The following SGCD variants were observed in gnomAD, a reference collection of about 807,000 sequenced individuals.
SGCD encodes the protein sarcoglycan delta.
In SGCD, 18 loss-of-function variants were observed where a neutral mutation model predicts 36.6. The ratio of observed to expected loss-of-function variants is 0.49; its 90% confidence interval spans 0.34 to 0.73. SGCD has a LOEUF of 0.73. SGCD is among the 30% of genes least tolerant of loss of function. The pLI, the probability that SGCD is intolerant of heterozygous loss-of-function variation, is 0.01. For missense variants in SGCD, 387 were observed against 346.7 expected (o/e 1.12, Z -0.92); for synonymous variants, 133 against 130.6 (o/e 1.02, Z -0.12).
the SGCD span, among the ~76,000 whole-genome samples, chr5:155,736,742 A>G: frequency 1.3e-5 from 2 of 152,136 alleles, no homozygotes; most frequent in Non-Finnish European, 2.9e-5. Flanking sequence ...ATTGCCATTT[A>G]TTGAGTATCC....
chr5:156,715,252 T>C (rs1250825049), intron 7 of SGCD, among the ~76,000 whole-genome samples: 2 of 152,194 alleles, frequency 1.3e-5, no homozygotes, highest in East Asian at 3.8e-4. Flanking sequence ...ATGCAATTAT[T>C]ATGAATTGAC....
intron 4 of SGCD, among the ~76,000 whole-genome samples, chr5:156,511,311 C>T (rs1315010305): frequency 6.6e-6 from 1 of 152,200 alleles, no homozygotes; most frequent in Non-Finnish European, 1.5e-5. Context: ...TGCCCAAATT[C>T]ATTCACTCTT....
intron 3 of SGCD, among the ~76,000 whole-genome samples, chr5:156,502,553 T>C (rs190602119): frequency 1.6e-4 from 24 of 152,278 alleles, no homozygotes; most frequent in African/African-American, 5.1e-4. Context: ...CAGTTTGCTC[T>C]TAAACTCCTT....
At chr5:156,476,669 G>A (rs1328368887) in intron 3 of SGCD, among the ~76,000 whole-genome samples, 2 of 152,170 alleles carry the variant, frequency 1.3e-5, no homozygotes, top group African/African-American at 4.8e-5. Flanking sequence ...TGCACACAAG[G>A]GAATTGGAAC....
chr5:156,393,677 A>G (rs1771702583), intron 3 of SGCD: 1 of 453,402 alleles, frequency 2.2e-6, no homozygotes, highest in African/African-American at 2.0e-5. Flanking sequence ...CTACAAATTA[A>G]GATCATCCAT....
chr5:155,739,541 C>G, the SGCD span, among the ~76,000 whole-genome samples: 1 of 152,198 alleles, frequency 6.6e-6, no homozygotes, highest in Non-Finnish European at 1.5e-5. Context: ...AAAGAAAGCT[C>G]TATGGCTGTT....
At chr5:155,948,407 A>C (rs1329252133) in intron 1 of SGCD, among the ~76,000 whole-genome samples, 1 of 152,218 alleles carries the variant, frequency 6.6e-6, no homozygotes, top group African/African-American at 2.4e-5. Context: ...TATTTGTGAA[A>C]AATCCACATC....
At chr5:155,988,130 T>A (rs1581029049) in intron 1 of SGCD, among the ~76,000 whole-genome samples, 1 of 152,140 alleles carries the variant, frequency 6.6e-6, no homozygotes, top group Admixed American at 6.5e-5. Flanking sequence ...CTCAAGAGAT[T>A]AGACTATTTA....
intron 3 of SGCD, among the ~76,000 whole-genome samples, chr5:156,130,251 GC>G (rs1185334459): frequency 6.6e-6 from 1 of 152,088 alleles, no homozygotes; most frequent in African/African-American, 2.4e-5. Context: ...TTGATATTGA[GC>G]TTTTTTTCAT....
At chr5:155,838,633 G>A in the SGCD span, among the ~76,000 whole-genome samples, 1 of 152,048 alleles carries the variant, frequency 6.6e-6, no homozygotes, top group Non-Finnish European at 1.5e-5. Context: ...GTAAAATATA[G>A]TTTTCTTTTT....
At chr5:155,973,566 GAAATGCTTT>G (rs1758047573) in intron 1 of SGCD, among the ~76,000 whole-genome samples, 1 of 152,158 alleles carries the variant, frequency 6.6e-6, no homozygotes, top group South Asian at 2.1e-4. Flanking sequence ...GTAAGAAAAA[GAAATGCTTT>G]GGTGTTTGGC....
At chr5:156,216,935 C>A (rs981480499) in intron 3 of SGCD, among the ~76,000 whole-genome samples, 18 of 152,012 alleles carry the variant, frequency 1.2e-4, no homozygotes, top group African/African-American at 4.1e-4. Flanking sequence ...AAAAATTAGG[C>A]AAGCATGGTG....
chr5:156,415,911 T>C (rs1004681100), intron 3 of SGCD, among the ~76,000 whole-genome samples: 2 of 152,206 alleles, frequency 1.3e-5, no homozygotes, highest in Admixed American at 1.3e-4. Flanking sequence ...TATTTACAAA[T>C]ACAGAAACAT....
intron 8 of SGCD, among the ~76,000 whole-genome samples, chr5:156,758,277 G>C (rs1757412521): frequency 6.6e-6 from 1 of 152,102 alleles, no homozygotes; most frequent in African/African-American, 2.4e-5. Context: ...AGCAAGACAA[G>C]CCAATTACTA....
In SGCD at chr5:156,609,349, CT is replaced by C. The variant is rs1289819097; in HGVS notation, c.502+14301del. Among the ~76,000 whole-genome samples the C allele has an allele frequency of 2.6e-5, 4 of 152,098 alleles. No individual in the cohort carries two copies. In the East Asian group the frequency reaches 7.7e-4, roughly 29 times the overall value. On this transcript the variant is annotated intron_variant, in intron 6 of 8. Transcript: ENST00000337851. ...GAGATGCTGGGTTGAAAATTCTTTA[CT>C]TTAAGAATGTTGAATATTGGCCCCC...
At chr5:156,271,753 T>C (rs1413619855) in intron 3 of SGCD, among the ~76,000 whole-genome samples, 7 of 152,122 alleles carry the variant, frequency 4.6e-5, no homozygotes, top group Non-Finnish European at 8.8e-5. Flanking sequence ...ACATGATGGA[T>C]TTGTGCTCTC....
intron 1 of SGCD, among the ~76,000 whole-genome samples, chr5:156,017,882 A>G (rs1487217032): frequency 1.3e-5 from 2 of 152,184 alleles, no homozygotes; most frequent in Admixed American, 6.5e-5. Context: ...TGTTAAAGTC[A>G]GATGCAGTGG....
chr5:155,843,527 G>A, the SGCD span, among the ~76,000 whole-genome samples: 1 of 152,180 alleles, frequency 6.6e-6, no homozygotes, highest in African/African-American at 2.4e-5. Context: ...AGGCTGAATT[G>A]TCCTCACTTT....
intron 6 of SGCD, among the ~76,000 whole-genome samples, chr5:156,623,067 G>A (rs756590415): frequency 6.6e-6 from 1 of 151,930 alleles, no homozygotes; most frequent in Non-Finnish European, 1.5e-5. Flanking sequence ...TATGTATATA[G>A]TATACATATA....
Sources: allele counts gnomAD v4.1 joint callset (sites outside exome capture counted in the v4.1 genomes callset), GRCh38; gene constraint gnomAD v4.1.1; transcripts MANE v1.5; gene names NCBI Gene and HGNC (gene_info 2026-07-23, HGNC 2026-07-21).